Variants in LDHD observed in about 807,000 individuals in gnomAD.
The protein encoded by LDHD is D-lactate dehydrogenase, mitochondrial.
LDHD carries 58 observed loss-of-function variants against 52.9 expected under a neutral mutation model. That is an observed-to-expected ratio of 1.10 (90% confidence interval 0.89 to 1.36). LDHD has a LOEUF of 1.36. Ranked by LOEUF, LDHD falls within the 40% of genes most tolerant of loss-of-function variation. The pLI, the probability that LDHD is intolerant of heterozygous loss-of-function variation, is 0.00. For missense variants in LDHD, 747 were observed against 668.0 expected (o/e 1.12, Z -1.30); for synonymous variants, 350 against 288.6 (o/e 1.21, Z -2.16).
chr16:75,116,358 G>C (rs946607621), intron 1 of LDHD, among the ~76,000 whole-genome samples: 5 of 152,190 alleles, frequency 3.3e-5, no homozygotes, highest in Non-Finnish European at 7.3e-5. Context: ...TAAGGACAGA[G>C]CCTGGCCTGG....
chr16:75,113,337 A>C (rs753287572), intron 8 of LDHD, among the ~76,000 whole-genome samples, 198 bp downstream of exon 8: 1 of 152,206 alleles, frequency 6.6e-6, no homozygotes, highest in Admixed American at 6.5e-5. Flanking sequence ...GGCTTAGCAG[A>C]CAACTGTGCT....
chr16:75,114,456 C>T, intron 5 of LDHD, 70 bp downstream of exon 5: 7 of 1,419,044 alleles, frequency 4.9e-6, no homozygotes, highest in South Asian at 2.9e-5. Context: ...TTTCACAGCC[C>T]GGTCTCTGCA....
Position 75,115,339 on chromosome 16 carries a change from C to T in LDHD, c.186G>A (p.Arg62=), listed in dbSNP as rs368426590. The T allele has an allele frequency of 3.7e-6, 6 of 1,613,372 alleles. No individual in the cohort carries two copies. Among genetic ancestry groups the T allele is most frequent in the South Asian group, 1.1e-5 (1 of 91,090 alleles). ...EQHGRDESVH[R]CEPPDAVVWP... is the part of the protein sequence containing the mutation. ...ACACCACAGCATCAGGAGGTTCGCACCTAGAACCAGACCCTCAGCGATTTA... is the reference window on the plus strand; with the variant it reads ...ACACCACAGCATCAGGAGGTTCGCATCTAGAACCAGACCCTCAGCGATTTA... Residue 62 remains arginine, a splice_region_variant and synonymous_variant, in exon 3 of 11, where the codon AGG becomes AGA. Coordinates refer to ENST00000450168, the MANE Select transcript of LDHD (RefSeq NM_194436.3).
rs866740033 is a variant in LDHD at position 75,115,147 on chromosome 16, C to G, written c.327+51G>C. 3.2e-6 allele frequency: 5 copies of G among 1,559,954 alleles called. No individual in the cohort carries two copies. The Middle Eastern group carries it at 1.1e-3, about 344-fold the overall frequency. On this transcript the variant is annotated intron_variant, in intron 3 of 10. Transcript: ENST00000450168. ...GGCGGGGGAGGCAGCCACAGGTGTG[C>G]CAAGGTGTGCTGGGACCATCCTCGG...
intron 1 of LDHD, among the ~76,000 whole-genome samples, chr16:75,116,156 G>A (rs2036551592): frequency 6.6e-6 from 1 of 152,122 alleles, no homozygotes; most frequent in Admixed American, 6.5e-5. Flanking sequence ...CCTTTCTCCA[G>A]GGCCAACCAA....
rs1389617233 is a variant in LDHD, at chr16:75,112,460, GC to G, written c.1350del (p.Gln451SerfsTer22). The G allele has an allele frequency of 6.2e-7, 1 of 1,613,294 alleles. No individual in the cohort carries two copies. Among genetic ancestry groups the G allele is most frequent in the Non-Finnish European group, 8.5e-7 (1 of 1,180,020 alleles). ...GCGCCCACCTCCTCCTGCAGCAGCT[GC>G]CGCTTGCCCATTCCGATGCCATGCT... ...TGEHGIGMGKRQLLQEEVGAV... is the reference protein window; with the variant it reads ...TGEHGIGMGKXQLLQEEVGAV... On this transcript the variant is annotated frameshift_variant, in exon 11 of 11. Transcript: ENST00000450168. LOFTEE classifies it high-confidence loss of function.
intron 1 of LDHD, among the ~76,000 whole-genome samples, chr16:75,116,210 T>A (rs2036552860): frequency 6.6e-6 from 1 of 152,052 alleles, no homozygotes; most frequent in Non-Finnish European, 1.5e-5. Context: ...ATAAGGGAAT[T>A]AGGGGGAGGA....
At position 75,113,837 on chromosome 16, in the gene LDHD, T is replaced by TG; in HGVS notation, c.862_863insC (p.Asn288ThrfsTer43). On this transcript the variant is annotated frameshift_variant, in exon 7 of 11. Transcript: ENST00000450168. LOFTEE classifies it high-confidence loss of function. Reference sequence around the variant, plus strand: ...TAAGCAATTCAGCTTGCTGTACCTGTTGCAGGCATCCATCATGACTTCATC... The same window carrying TG: ...TAAGCAATTCAGCTTGCTGTACCTGTGTGCAGGCATCCATCATGACTTCATC... The TG allele has an allele frequency of 6.2e-7, 1 of 1,614,052 alleles. No homozygotes were observed. The highest frequency in any genetic ancestry group is 2.2e-5 in the East Asian group (1 of 44,872).
At chr16:75,113,438 A>T in intron 8 of LDHD, 97 bp downstream of exon 8, 1 of 1,423,882 alleles carries the variant, frequency 7.0e-7, no homozygotes, top group Non-Finnish European at 9.4e-7. Context: ...CCCGTTGTTG[A>T]GGCTCAGCCT....
rs1268949135 is a variant in LDHD, at chr16:75,114,491, G to A, written c.629+35C>T. The A allele has an allele frequency of 1.5e-5, 22 of 1,473,182 alleles. 2 individuals carry two copies. In the South Asian group the frequency reaches 2.3e-4, roughly 15 times the overall value. The allele number at this position is 1,473,182 out of a possible 1,614,324, so 91.3% of individuals were successfully genotyped here. ...AGGGCAGCCCGCCAGCAGTGCCCAGGGCCAGAGCCCGGGCCCCCCGCAGAG... is the reference window on the plus strand; with the variant it reads ...AGGGCAGCCCGCCAGCAGTGCCCAGAGCCAGAGCCCGGGCCCCCCGCAGAG... On this transcript the variant is annotated intron_variant, in intron 5 of 10. Transcript: ENST00000450168.
chr16:75,112,246 C>T lies in LDHD; in HGVS notation c.*110G>A, dbSNP rs1421194838. 14 of 1,332,326 alleles carry T rather than the reference C, an allele frequency of 1.1e-5. No individual in the cohort carries two copies. The Admixed American group carries it at 2.7e-4, about 26-fold the overall frequency. The allele number at this position is 1,332,326 out of a possible 1,614,324, so 82.5% of individuals were successfully genotyped here. A position where few individuals can be genotyped will look rare whatever the true frequency, so the allele number is the denominator to read the frequency against. ...GGCCCAGATACAGTGGGCTCGCTGG[C>T]AGGAAGACTGCCTCAGCATCTATTT... is the stretch of plus-strand genomic sequence containing the variant. On this transcript the variant is annotated 3_prime_UTR_variant, in exon 11 of 11. Transcript: ENST00000450168.
rs1265628710 is a variant in LDHD, at chr16:75,113,537, T to G, written c.1084A>C (p.Lys362Gln). The change falls in exon 8 of 11, where the codon AAG becomes CAG. Residue 362 changes from lysine to glutamine, a missense_variant and splice_region_variant. Lys to Gln is a moderately conservative substitution (Grantham distance 53). Coordinates refer to ENST00000450168, the MANE Select transcript of LDHD (RefSeq NM_194436.3). ...TCTGTACCCCAGCCCCAGCTCACCTTGCAGCCTGGCCGCGTGGCCAGGGCT... is the reference window on the plus strand; with the variant it reads ...TCTGTACCCCAGCCCCAGCTCACCTGGCAGCCTGGCCGCGTGGCCAGGGCT... Reference protein sequence around the residue: ...YAALATRPGCKGYSTDVCVPI... With the variant: ...YAALATRPGCQGYSTDVCVPI... 2 of 1,605,470 alleles carry G rather than the reference T, an allele frequency of 1.2e-6. No homozygotes were observed. Among genetic ancestry groups the G allele is most frequent in the South Asian group, 2.2e-5 (2 of 90,500 alleles).
chr16:75,113,072 C>T (rs2036445221), intron 8 of LDHD, 148 bp from the exon 9 acceptor site: 10 of 654,414 alleles, frequency 1.5e-5, no homozygotes, highest in Non-Finnish European at 2.7e-5. Flanking sequence ...AGGCCTCAGC[C>T]CTCACCTCCC....
At chr16:75,116,167 G>A (rs2036551869) in intron 1 of LDHD, among the ~76,000 whole-genome samples, 3 of 152,136 alleles carry the variant, frequency 2.0e-5, no homozygotes, top group African/African-American at 7.2e-5. Flanking sequence ...GGCCAACCAA[G>A]CACCACCCCA....
chr16:75,113,626 G>A lies in LDHD; in HGVS notation c.995C>T (p.Ser332Phe). Reference sequence around the variant, plus strand: ...GCGCTCCTCGGCCTCCTTGGCCCAGGAGAAGTCAGAGGCTCCGTTCTGCTG... The same window carrying A: ...GCGCTCCTCGGCCTCCTTGGCCCAGAAGAAGTCAGAGGCTCCGTTCTGCTG... ...IVQQNGASDF[S>F]WAKEAEERSR... The change falls in exon 8 of 11, where the codon TCC (serine) becomes TTC (phenylalanine). Residue 332 changes from serine to phenylalanine, a missense_variant. Coordinates refer to ENST00000450168, the MANE Select transcript of LDHD (RefSeq NM_194436.3). 1.2e-6 allele frequency: 2 copies of A among 1,613,290 alleles called. No homozygotes were observed. The highest frequency in any genetic ancestry group is 1.3e-5 in the African/African-American group (1 of 75,050).
In LDHD at chr16:75,112,273, C is replaced by G; in HGVS notation, c.*83G>C. ...GGAAGACTGCCTCAGCATCTATTTCCTTGCAGGGGCCGTGGCATGAAGAAA... is the reference window on the plus strand; with the variant it reads ...GGAAGACTGCCTCAGCATCTATTTCGTTGCAGGGGCCGTGGCATGAAGAAA... On this transcript the variant is annotated 3_prime_UTR_variant, in exon 11 of 11. Transcript: ENST00000450168. 1 of 1,478,768 alleles carries G rather than the reference C, an allele frequency of 6.8e-7. No individual in the cohort carries two copies. The highest frequency in any genetic ancestry group is 1.4e-5 in the African/African-American group (1 of 71,640). The allele number at this position is 1,478,768 out of a possible 1,614,324, so 91.6% of individuals were successfully genotyped here. A position where few individuals can be genotyped will look rare whatever the true frequency, so the allele number is the denominator to read the frequency against.
intron 3 of LDHD, 53 bp downstream of exon 3, chr16:75,115,145 T>G: frequency 6.4e-7 from 1 of 1,558,012 alleles, no homozygotes; most frequent in Non-Finnish European, 8.7e-7. Flanking sequence ...GCCACAGGTG[T>G]GCCAAGGTGT....
chr16:75,112,741 TCCAG>T (rs1433572733), intron 9 of LDHD, 28 bp from the exon 10 acceptor site: 6 of 1,604,218 alleles, frequency 3.7e-6, no homozygotes, highest in Non-Finnish European at 5.1e-6. Flanking sequence ...AGAACTATTC[TCCAG>T]CCCAGTCCTC....
At chr16:75,115,382 C>A (rs766025377) in intron 2 of LDHD, 43 bp from the exon 3 acceptor site, 1 of 1,610,210 alleles carries the variant, frequency 6.2e-7, no homozygotes, top group Non-Finnish European at 8.5e-7. Flanking sequence ...GTGACACCCT[C>A]TGGTCCCGAG....
Sources: gnomAD v4.1 joint callset for allele counts (sites outside exome capture counted in the v4.1 genomes callset) on GRCh38, gnomAD v4.1.1 for gene constraint, MANE v1.5 for transcripts, NCBI Gene and HGNC (gene_info 2026-07-23, HGNC 2026-07-21) for gene names.